CELF2: variants seen among roughly 807,000 people sequenced by gnomAD.
CELF2 encodes CUGBP Elav-like family member 2.
In CELF2, 8 loss-of-function variants were observed where a neutral mutation model predicts 62.6. The observed-to-expected ratio is 0.13, with a 90% CI of 0.07 to 0.23. The LOEUF (loss-of-function observed/expected upper bound fraction) is 0.23. CELF2 is among the 10% of genes least tolerant of loss of function. The pLI, the probability that CELF2 is intolerant of heterozygous loss-of-function variation, is 1.00. For synonymous variants in CELF2, 258 were observed against 250.0 expected (o/e 1.03, Z -0.30); for missense variants, 333 against 671.0 (o/e 0.50, Z 5.56).
chr10:11,236,464 A>AG (rs1382109791), intron 3 of CELF2, among the ~76,000 whole-genome samples: 4 of 152,220 alleles, frequency 2.6e-5, no homozygotes, highest in Non-Finnish European at 5.9e-5. Flanking sequence ...TGGTTTGTTT[A>AG]GAGGGTAGTG....
At chr10:10,462,615 C>CTTTTTTTTTTTTTTTTTCTTTT in the CELF2 span, among the ~76,000 whole-genome samples, 1 of 69,414 alleles carries the variant, frequency 1.4e-5, no homozygotes, top group Non-Finnish European at 2.5e-5. Flanking sequence ...TTTTTTTCAT[C>CTTTTTTTTTTTTTTTTTCTTTT]TTTTTTTTTT....
intron 1 of CELF2, among the ~76,000 whole-genome samples, chr10:10,814,094 CA>C (rs2056204838): frequency 6.6e-6 from 1 of 151,494 alleles, no homozygotes; most frequent in Non-Finnish European, 1.5e-5. Flanking sequence ...TACTCTCTAG[CA>C]AATATACATT....
At chr10:10,597,616 C>T in the CELF2 span, among the ~76,000 whole-genome samples, 1 of 152,170 alleles carries the variant, frequency 6.6e-6, no homozygotes, top group Admixed American at 6.5e-5. Context: ...AAAGGACCGG[C>T]ATCTGATACA....
the CELF2 span, among the ~76,000 whole-genome samples, chr10:10,623,658 C>A: frequency 6.6e-6 from 1 of 152,018 alleles, no homozygotes; most frequent in Admixed American, 6.6e-5. Flanking sequence ...GCAGATGGAC[C>A]CACGATGATC....
chr10:11,183,594 C>T (rs894931967), intron 2 of CELF2, among the ~76,000 whole-genome samples: 4 of 152,208 alleles, frequency 2.6e-5, no homozygotes, highest in Non-Finnish European at 5.9e-5. Context: ...TCCACATTCC[C>T]TCCAACACTT....
At position 11,077,285 on chromosome 10, in the gene CELF2, G is replaced by C. The variant is rs1465153748; in HGVS notation, c.74+59122G>C. ...AACCCCAGCAAAAGGCTTTGAGTTT[G>C]GGTGCTTTTATAATGACCACCATTG... On this transcript the variant is annotated intron_variant, in intron 1 of 12. Coordinates refer to ENST00000633077, the MANE Select transcript of CELF2 (RefSeq NM_001326342.2). 3.3e-5 allele frequency among the ~76,000 whole-genome samples: 5 copies of C among 152,314 alleles called. No homozygotes were observed. The East Asian group carries it at 9.6e-4, about 29-fold the overall frequency.
intron 1 of CELF2, among the ~76,000 whole-genome samples, chr10:10,909,463 G>A (rs745555095): frequency 3.9e-5 from 6 of 152,116 alleles, no homozygotes; most frequent in African/African-American, 1.2e-4. Context: ...TTCTGTGGCC[G>A]TCACAAAACT....
chr10:10,874,891 G>T (rs939822505), intron 1 of CELF2, among the ~76,000 whole-genome samples: 1 of 152,144 alleles, frequency 6.6e-6, no homozygotes, highest in African/African-American at 2.4e-5. Flanking sequence ...TCATCAGGGT[G>T]ACCACAAGAA....
chr10:10,930,121 A>G (rs1350737208), intron 2 of CELF2, among the ~76,000 whole-genome samples: 3 of 152,206 alleles, frequency 2.0e-5, no homozygotes, highest in African/African-American at 7.2e-5. Context: ...TAGTGTTCTG[A>G]TGTGTAGCAG....
At chr10:10,621,705 T>C in the CELF2 span, among the ~76,000 whole-genome samples, 152 of 152,316 alleles carry the variant, frequency 1.0e-3, 1 homozygote, top group Non-Finnish European at 1.9e-3. Flanking sequence ...AAGAAGCAAC[T>C]CTGCCAATAA....
the CELF2 span, among the ~76,000 whole-genome samples, chr10:10,655,933 GC>G: frequency 6.4e-4 from 86 of 133,666 alleles, 2 homozygotes; most frequent in East Asian, 9.5e-3. Flanking sequence ...GAGTGAACAG[GC>G]AACCTACAAA....
At chr10:11,003,349 C>T (rs1374000036), upstream of CELF2, among the ~76,000 whole-genome samples, 2 of 152,198 alleles carry the variant, frequency 1.3e-5, no homozygotes, top group Admixed American at 1.3e-4. This position sits in a 1 kb window ranked among gnomAD's most constrained non-coding sequence, Gnocchi z 4.4. Context: ...GGATAAGCAA[C>T]TGCATTATTG....
chr10:11,197,062 G>GAAAGAAAGAAAGAAAGAAAGAAAGA (rs1565233992), intron 2 of CELF2, among the ~76,000 whole-genome samples: 1 of 103,034 alleles, frequency 9.7e-6, no homozygotes, highest in African/African-American at 4.4e-5. Flanking sequence ...AGAAAGAAAA[G>GAAAGAAAGAAAGAAAGAAAGAAAGA]AAAGAAAGGA....
chr10:11,215,476 A>G (rs1211478782), intron 2 of CELF2, among the ~76,000 whole-genome samples: 3 of 152,164 alleles, frequency 2.0e-5, no homozygotes, highest in African/African-American at 7.2e-5. Flanking sequence ...TCATCTCCTG[A>G]ACTTACTCTT....
chr10:11,016,770 A>G (rs767916151), upstream of CELF2, among the ~76,000 whole-genome samples: 1 of 152,254 alleles, frequency 6.6e-6, no homozygotes, highest in Non-Finnish European at 1.5e-5. The surrounding 1 kb of genome is among the most constrained non-coding windows in gnomAD (Gnocchi z 5.2). Context: ...TGAAAATTAC[A>G]TATTTCAAAC....
At chr10:10,866,427 A>G (rs185722187) in intron 1 of CELF2, among the ~76,000 whole-genome samples, 53 of 151,820 alleles carry the variant, frequency 3.5e-4, no homozygotes, top group African/African-American at 1.2e-3. Flanking sequence ...CCAACATGGT[A>G]AAACCCATCT....
chr10:10,635,562 G>A, the CELF2 span, among the ~76,000 whole-genome samples: 892 of 152,206 alleles, frequency 5.9e-3, 2 homozygotes, highest in Non-Finnish European at 8.2e-3. Flanking sequence ...AGCCCCAAAT[G>A]TTATATAAAA....
chr10:11,268,923 T>C lies in CELF2; in HGVS notation c.619-1743T>C, dbSNP rs1157593459. Among the ~76,000 whole-genome samples, 1 of 152,232 alleles carries C rather than the reference T, an allele frequency of 6.6e-6. No individual in the cohort carries two copies. Among genetic ancestry groups the C allele is most frequent in the Non-Finnish European group, 1.5e-5 (1 of 68,044 alleles). On this transcript the variant is annotated intron_variant, in intron 6 of 12. Transcript: ENST00000633077. This position sits in a 1 kb window ranked among gnomAD's most constrained non-coding sequence, Gnocchi z 4.7. ...CGTGCCTTCTGTTTCTCCACTTGCC[T>C]TCACTCTATCCCTGCCCTGTGTTTC...
the CELF2 span, among the ~76,000 whole-genome samples, chr10:10,661,958 C>G: frequency 6.6e-6 from 1 of 152,120 alleles, no homozygotes; most frequent in Non-Finnish European, 1.5e-5. Flanking sequence ...GAGGACAGCC[C>G]TGCTCCAGGG....
Sources: gnomAD v4.1 joint callset for allele counts (sites outside exome capture counted in the v4.1 genomes callset) on GRCh38, gnomAD v4.1.1 for gene constraint, Gnocchi (gnomAD v3.1) non-coding constraint, MANE v1.5 for transcripts, NCBI Gene and HGNC (gene_info 2026-07-23, HGNC 2026-07-21) for gene names.